B4GALT6: variants seen among roughly 807,000 people sequenced by gnomAD.
B4GALT6 encodes the protein beta-1,4-galactosyltransferase 6.
Under a neutral mutation model 46.3 loss-of-function variants are expected in B4GALT6, and 14 were observed. The observed-to-expected ratio is 0.30, with a 90% CI of 0.20 to 0.47. The LOEUF is 0.47. B4GALT6 is among the 20% of genes least tolerant of loss of function. The probability of loss-of-function intolerance (pLI) is 0.99; values close to 1 mark genes in which losing one functional copy is unlikely to be tolerated. For synonymous variants in B4GALT6, 168 were observed against 162.0 expected (o/e 1.04, Z -0.28); for missense variants, 386 against 480.1 (o/e 0.80, Z 1.83).
At chr18:31,689,313 C>T (rs2030030403), upstream of B4GALT6, among the ~76,000 whole-genome samples, 1 of 152,086 alleles carries the variant, frequency 6.6e-6, no homozygotes. Flanking sequence ...AGAATTTGTT[C>T]AGAAAACTAT....
At chr18:31,651,824 G>A (rs1472591387) in intron 3 of B4GALT6, among the ~76,000 whole-genome samples, 1 of 152,048 alleles carries the variant, frequency 6.6e-6, no homozygotes, top group Non-Finnish European at 1.5e-5. Flanking sequence ...AGGCTGAAGT[G>A]CAGTGGCGAG....
intron 1 of B4GALT6, among the ~76,000 whole-genome samples, chr18:31,671,592 T>C (rs2074358178): frequency 1.3e-5 from 2 of 152,212 alleles, no homozygotes; most frequent in Admixed American, 1.3e-4. Flanking sequence ...TTTGATGGGG[T>C]TTTTTTCTTG....
chr18:31,685,812 C>T (rs1399058645), upstream of B4GALT6: 1 of 152,274 alleles, frequency 6.6e-6, no homozygotes, highest in Non-Finnish European at 1.5e-5. Context: ...GGTGTATTTC[C>T]GACCTGGATT....
chr18:31,668,636 A>G (rs2074310785), intron 1 of B4GALT6, among the ~76,000 whole-genome samples: 1 of 152,188 alleles, frequency 6.6e-6, no homozygotes, highest in Non-Finnish European at 1.5e-5. Context: ...TAACTCTGCA[A>G]CAACTGATAT....
intron 5 of B4GALT6, 51 bp from the exon 6 acceptor site, chr18:31,631,197 C>CAT: frequency 1.5e-5 from 16 of 1,091,452 alleles, no homozygotes; most frequent in African/African-American, 2.3e-5. Context: ...CACACTTCAT[C>CAT]ATCTTTTTTT....
At chr18:31,724,028 C>T in the B4GALT6 span, among the ~76,000 whole-genome samples, 254 of 152,050 alleles carry the variant, frequency 1.7e-3, no homozygotes, top group Non-Finnish European at 2.8e-3. Context: ...TTCTTCCTCG[C>T]AGAGGGGAGG....
chr18:31,703,500 T>C, the B4GALT6 span, among the ~76,000 whole-genome samples: 1,167 of 152,288 alleles, frequency 7.7e-3, 17 homozygotes, highest in African/African-American at 0.027. Context: ...TGGATTGTTT[T>C]AGGACTGAGA....
chr18:31,694,178 A>G, the B4GALT6 span, among the ~76,000 whole-genome samples: 1 of 152,244 alleles, frequency 6.6e-6, no homozygotes, highest in African/African-American at 2.4e-5. Context: ...ATCACGACCA[A>G]TTATGTTTCC....
chr18:31,684,526 A>G lies in B4GALT6; in HGVS notation c.-100T>C, dbSNP rs1436707415. ...CCATAAATGTGCTGAGAACCCCGAG[A>G]CTGCAGCGGGGTCCGCGCGGGGAGG... On this transcript the variant is annotated 5_prime_UTR_variant, in exon 1 of 9. Coordinates refer to ENST00000306851, the MANE Select transcript of B4GALT6 (RefSeq NM_004775.5). 4 of 1,518,894 alleles carry G rather than the reference A, an allele frequency of 2.6e-6. No individual in the cohort carries two copies. In the Admixed American group the frequency reaches 8.1e-5, roughly 31 times the overall value. 94.1% of individuals were successfully genotyped at this position (1,518,894 alleles called of 1,614,324 possible). A position where few individuals can be genotyped will look rare whatever the true frequency, so the allele number is the denominator to read the frequency against.
chr18:31,633,749 T>G (rs1047310224), intron 5 of B4GALT6, among the ~76,000 whole-genome samples: 1 of 152,186 alleles, frequency 6.6e-6, no homozygotes, highest in Non-Finnish European at 1.5e-5. Context: ...CGTGCTCCTT[T>G]ACATCATTCC....
upstream of B4GALT6, among the ~76,000 whole-genome samples, chr18:31,685,166 C>G (rs1202926299): frequency 6.1e-5 from 9 of 148,680 alleles, no homozygotes; most frequent in Non-Finnish European, 1.3e-4. Flanking sequence ...CAGCGACGAA[C>G]GCGCTCCGAC....
chr18:31,673,523 CA>C (rs1035754654), intron 1 of B4GALT6, among the ~76,000 whole-genome samples: 11 of 152,132 alleles, frequency 7.2e-5, no homozygotes, highest in Admixed American at 7.2e-4. Flanking sequence ...AGGCAACATT[CA>C]GAATTGAGCA....
the B4GALT6 span, among the ~76,000 whole-genome samples, chr18:31,713,144 G>A: frequency 6.6e-6 from 1 of 152,066 alleles, no homozygotes; most frequent in Non-Finnish European, 1.5e-5. Context: ...CTTGAGCCTG[G>A]GAGTTCAAGA....
At chr18:31,633,223 T>C (rs776833387) in intron 5 of B4GALT6, among the ~76,000 whole-genome samples, 8 of 152,052 alleles carry the variant, frequency 5.3e-5, no homozygotes, top group Non-Finnish European at 8.8e-5. Context: ...GTATCCCTCA[T>C]CCTTTGCCTA....
chr18:31,645,270 T>C (rs2073978075), intron 4 of B4GALT6, 85 bp downstream of exon 4: 1 of 1,540,158 alleles, frequency 6.5e-7, no homozygotes, highest in Admixed American at 2.1e-5. Flanking sequence ...CTTAAAGACA[T>C]TTGTCTCTGT....
the B4GALT6 span, among the ~76,000 whole-genome samples, chr18:31,691,292 CATATATATATATAT>C: frequency 2.5e-3 from 293 of 117,374 alleles, 1 homozygote; most frequent in African/African-American, 7.8e-3. Context: ...CATAATTTTA[CATATATATATATAT>C]ATATATATAT....
intron 2 of B4GALT6, among the ~76,000 whole-genome samples, chr18:31,664,954 G>C (rs1381844639): frequency 6.6e-6 from 1 of 152,116 alleles, no homozygotes; most frequent in Non-Finnish European, 1.5e-5. Context: ...AGAGTGTTTT[G>C]ATTTGTGGCA....
At chr18:31,641,440 T>C (rs2073929821) in intron 4 of B4GALT6, among the ~76,000 whole-genome samples, 1 of 152,240 alleles carries the variant, frequency 6.6e-6, no homozygotes, top group Admixed American at 6.5e-5. Flanking sequence ...AAAGCTTTTA[T>C]TAAAATAAAG....
At chr18:31,673,831 G>A (rs971050835) in intron 1 of B4GALT6, among the ~76,000 whole-genome samples, 10 of 152,148 alleles carry the variant, frequency 6.6e-5, no homozygotes, top group Non-Finnish European at 1.3e-4. Context: ...AGGATTCTGA[G>A]ATGAGGAGAT....
Sources: allele counts gnomAD v4.1 joint callset (sites outside exome capture counted in the v4.1 genomes callset), GRCh38; gene constraint gnomAD v4.1.1; transcripts MANE v1.5; gene names NCBI Gene and HGNC (gene_info 2026-07-23, HGNC 2026-07-21).